Variants in RPRD1A observed in about 807,000 individuals in gnomAD.
RPRD1A encodes regulation of nuclear pre-mRNA domain-containing protein 1A.
Under a neutral mutation model 37.8 loss-of-function variants are expected in RPRD1A, and 9 were observed. The observed-to-expected ratio is 0.24, with a 90% confidence interval of 0.14 to 0.42. The LOEUF is 0.42. RPRD1A is among the 10% of genes least tolerant of loss of function. The pLI is 1.00. For synonymous variants in RPRD1A, 138 were observed against 139.7 expected (o/e 0.99, Z 0.08); for missense variants, 255 against 371.0 (o/e 0.69, Z 2.57).
At chr18:36,031,173 A>G in intron 2 of RPRD1A, 76 bp from the exon 3 acceptor site, 1 of 1,406,116 alleles carries the variant, frequency 7.1e-7, no homozygotes. Context: ...GGTTAACGGT[A>G]ACTTTAAATA....
chr18:36,012,862 CA>C (rs1910265656), intron 6 of RPRD1A, among the ~76,000 whole-genome samples: 1 of 152,116 alleles, frequency 6.6e-6, no homozygotes, highest in African/African-American at 2.4e-5. Context: ...GCTAATTAAA[CA>C]GTATTTTGCA....
chr18:36,037,634 C>G (rs138767741), intron 1 of RPRD1A, among the ~76,000 whole-genome samples: 2,009 of 152,240 alleles, frequency 0.013, 39 homozygotes, highest in African/African-American at 0.046. Context: ...GGGTAACAGG[C>G]AGAGGTTGGA....
At chr18:36,045,609 G>A (rs1295536701) in intron 1 of RPRD1A, among the ~76,000 whole-genome samples, 3 of 152,212 alleles carry the variant, frequency 2.0e-5, no homozygotes, top group African/African-American at 7.2e-5. Flanking sequence ...CAGAAAGACT[G>A]AAAGCTCTAT....
chr18:35,997,803 C>CT (rs1477990572), intron 6 of RPRD1A, among the ~76,000 whole-genome samples: 2 of 152,162 alleles, frequency 1.3e-5, no homozygotes, highest in Non-Finnish European at 2.9e-5. Context: ...TCCGTGTAAC[C>CT]AACACCTAGA....
intron 6 of RPRD1A, among the ~76,000 whole-genome samples, chr18:36,001,763 C>T (rs1049000890): frequency 2.6e-5 from 4 of 152,198 alleles, no homozygotes; most frequent in African/African-American, 9.7e-5. Flanking sequence ...CCAGAGCTAA[C>T]AGCTTATGTA....
intron 1 of RPRD1A, among the ~76,000 whole-genome samples, chr18:36,039,665 G>C (rs1272933285): frequency 6.6e-6 from 1 of 152,118 alleles, no homozygotes; most frequent in East Asian, 1.9e-4. Flanking sequence ...TTTATATGCT[G>C]CAAAATATCA....
At chr18:36,038,403 C>A (rs1042269596) in intron 1 of RPRD1A, among the ~76,000 whole-genome samples, 2 of 152,258 alleles carry the variant, frequency 1.3e-5, no homozygotes, top group African/African-American at 2.4e-5. Context: ...GCCTTGGCGG[C>A]TTCCATGTGA....
At chr18:36,031,205 G>C (rs1175212675) in intron 2 of RPRD1A, 108 bp from the exon 3 acceptor site, 1 of 1,324,304 alleles carries the variant, frequency 7.6e-7, no homozygotes, top group East Asian at 2.6e-5. Context: ...TCATTCCCTG[G>C]AAAAAACTGT....
At chr18:36,049,659 G>A (rs1262308308) in intron 1 of RPRD1A, among the ~76,000 whole-genome samples, 1 of 152,124 alleles carries the variant, frequency 6.6e-6, no homozygotes, top group African/African-American at 2.4e-5. Context: ...TCTTTTTAAG[G>A]CTGAATGATT....
Position 36,062,040 on chromosome 18 carries a change from G to A in RPRD1A, c.151+5214C>T, listed in dbSNP as rs145231363. Among the ~76,000 whole-genome samples, 1,267 of 152,238 alleles carry A rather than the reference G, an allele frequency of 8.3e-3. 13 individuals are homozygous for A. The highest frequency in any genetic ancestry group is 0.013 in the Non-Finnish European group (911 of 68,006). On this transcript the variant is annotated intron_variant, in intron 1 of 6. Coordinates refer to ENST00000399022, the MANE Select transcript of RPRD1A (RefSeq NM_018170.5). ...AGGAATGTATTTTAAAAACATGGCC[G>A]GGCGCGGTGGCTCACGCCTGTAATC...
intron 1 of RPRD1A, among the ~76,000 whole-genome samples, chr18:36,058,926 G>A (rs949190595): frequency 1.3e-5 from 2 of 152,184 alleles, no homozygotes; most frequent in Non-Finnish European, 2.9e-5. Flanking sequence ...CTTCTATTAA[G>A]AGAGATCTTA....
intron 2 of RPRD1A, 25 bp downstream of exon 2, chr18:36,033,683 C>CTAAT (rs781389048): frequency 9.4e-6 from 15 of 1,592,040 alleles, no homozygotes; most frequent in Non-Finnish European, 1.2e-5. Context: ...AACAGATTAC[C>CTAAT]TAATACCCAA....
chr18:36,005,000 T>A (rs1470979567), intron 6 of RPRD1A, among the ~76,000 whole-genome samples: 1 of 152,210 alleles, frequency 6.6e-6, no homozygotes, highest in Non-Finnish European at 1.5e-5. Context: ...ACAGAGACTT[T>A]TTAAAAAATA....
chr18:36,015,934 A>G (rs1427372675), intron 6 of RPRD1A, among the ~76,000 whole-genome samples: 1 of 152,234 alleles, frequency 6.6e-6, no homozygotes, highest in African/African-American at 2.4e-5. Flanking sequence ...ACATTTAAAA[A>G]TGCTTAATAT....
intron 1 of RPRD1A, among the ~76,000 whole-genome samples, chr18:36,045,424 T>C (rs1001382579): frequency 5.9e-5 from 9 of 152,128 alleles, no homozygotes; most frequent in African/African-American, 1.9e-4. Context: ...CCAAGAAAGC[T>C]TGTTAAAACA....
Position 36,023,927 on chromosome 18 carries a change from A to G in RPRD1A, c.789+2973T>C, listed in dbSNP as rs2144258741. Among the ~76,000 whole-genome samples the G allele has an allele frequency of 2.0e-5, 3 of 152,378 alleles. No homozygotes were observed. The South Asian group carries it at 6.2e-4, about 32-fold the overall frequency. On this transcript the variant is annotated intron_variant, in intron 6 of 6. Coordinates refer to ENST00000399022, the MANE Select transcript of RPRD1A (RefSeq NM_018170.5). ...TACTTAGACAACAGTAAAGTTGTAA[A>G]CATAACTTTTGTATGTACTAGGAAA...
At position 36,056,676 on chromosome 18, in the gene RPRD1A, C is replaced by T. The variant is rs141703210; in HGVS notation, c.151+10578G>A. 5.4e-3 allele frequency among the ~76,000 whole-genome samples: 813 copies of T among 151,838 alleles called. 5 individuals are homozygous for T. Among genetic ancestry groups the T allele is most frequent in the Non-Finnish European group, 8.2e-3 (560 of 67,978 alleles). ...ACACCTGGAAAATCCAAGCATTCAA[C>T]GTAAGTATGGTAAACCATTTTGTTA... On this transcript the variant is annotated intron_variant, in intron 1 of 6. Coordinates refer to ENST00000399022, the MANE Select transcript of RPRD1A (RefSeq NM_018170.5).
intron 4 of RPRD1A, among the ~76,000 whole-genome samples, chr18:36,030,431 C>T (rs1911692540): frequency 6.6e-6 from 1 of 150,982 alleles, no homozygotes; most frequent in Non-Finnish European, 1.5e-5. Context: ...TGCAGTGAGC[C>T]AAGATAGTGC....
intron 1 of RPRD1A, among the ~76,000 whole-genome samples, chr18:36,055,817 TAATAAA>T (rs1371707495): frequency 1.3e-5 from 2 of 151,880 alleles, no homozygotes; most frequent in Non-Finnish European, 2.9e-5. Context: ...CATGAAAACA[TAATAAA>T]GAGTATAACA....
Sources: allele counts gnomAD v4.1 joint callset (sites outside exome capture counted in the v4.1 genomes callset), GRCh38; gene constraint gnomAD v4.1.1; transcripts MANE v1.5; gene names NCBI Gene and HGNC (gene_info 2026-07-23, HGNC 2026-07-21).